Variants in APAF1 observed in about 807,000 individuals in gnomAD.
APAF1 encodes apoptotic peptidase activating factor 1.
In APAF1, 91 loss-of-function variants were observed where a neutral mutation model predicts 152.4. That is an observed-to-expected ratio of 0.60 (90% CI 0.50 to 0.71). The LOEUF is 0.71. APAF1 is among the 30% of genes least tolerant of loss of function. The pLI is 0.00. For synonymous variants in APAF1, 484 were observed against 494.1 expected (o/e 0.98, Z 0.27); for missense variants, 1,283 against 1,472.0 (o/e 0.87, Z 2.10).
intron 5 of APAF1, 100 bp downstream of exon 5, chr12:98,659,443 A>G (rs537655394): frequency 4.1e-5 from 52 of 1,272,090 alleles, no homozygotes; most frequent in South Asian, 2.7e-4. Context: ...CTGCTGTTCT[A>G]TAGGGAGGAT....
rs11109578 is a variant in APAF1, at chr12:98,714,843, C to T, written c.2959-584C>T. The stretch of plus-strand genomic sequence containing the variant: ...AGTTCATTTGAAAGCCTTTTTTTTT[C>T]TTTTTTTTTTTTTGACATAGTCATT... On this transcript the variant is annotated intron_variant, in intron 21 of 26. Transcript: ENST00000551964. Among the ~76,000 whole-genome samples the T allele has an allele frequency of 5.5e-3, 713 of 129,410 alleles. 3 individuals are homozygous for T. Among genetic ancestry groups the T allele is most frequent in the Non-Finnish European group, 8.7e-3 (513 of 59,118 alleles). The allele number at this position is 129,410 out of a possible 152,430, so 84.9% of individuals were successfully genotyped here.
At chr12:98,653,996 G>C (rs893547501) in intron 4 of APAF1, among the ~76,000 whole-genome samples, 1 of 151,982 alleles carries the variant, frequency 6.6e-6, no homozygotes, top group African/African-American at 2.4e-5. Context: ...TCCTGTGAAA[G>C]TAGTGTGGAG....
intron 11 of APAF1, among the ~76,000 whole-genome samples, 188 bp downstream of exon 11, chr12:98,671,274 A>C (rs1037666504): frequency 6.6e-6 from 1 of 152,096 alleles, no homozygotes; most frequent in Non-Finnish European, 1.5e-5. Context: ...TTGAAGTTTA[A>C]AAGCTAGGAA....
intron 17 of APAF1, among the ~76,000 whole-genome samples, chr12:98,700,166 A>G (rs973192357): frequency 6.6e-6 from 1 of 152,204 alleles, no homozygotes; most frequent in Non-Finnish European, 1.5e-5. Flanking sequence ...GTGCCCTCAC[A>G]TATAATTTCT....
Position 98,674,989 on chromosome 12 carries a change from G to A in APAF1, c.1794-2436G>A, listed in dbSNP as rs113529464. Among the ~76,000 whole-genome samples, 108 of 152,256 alleles carry A rather than the reference G, an allele frequency of 7.1e-4. 1 individual carries two copies. The highest frequency in any genetic ancestry group is 2.4e-3 in the African/African-American group (101 of 41,564). On this transcript the variant is annotated intron_variant, in intron 12 of 26. Transcript: ENST00000551964. ...TACTTGGTCTGATCAAAGGGCATAG[G>A]TTTAGTTCTTGTTCTCTTATGAATT...
At chr12:98,722,448 GAAGTC>G (rs1235835066) in intron 22 of APAF1, among the ~76,000 whole-genome samples, 1 of 152,104 alleles carries the variant, frequency 6.6e-6, no homozygotes, top group Non-Finnish European at 1.5e-5. Flanking sequence ...AAGTTAATTT[GAAGTC>G]AAGTATTAAT....
rs577649499 is a variant in APAF1 at position 98,696,581 on chromosome 12, T to G, written c.2305-2827T>G. Among the ~76,000 whole-genome samples, 29 of 152,346 alleles carry G rather than the reference T, an allele frequency of 1.9e-4. No individual in the cohort carries two copies. The South Asian group carries it at 4.4e-3, about 23-fold the overall frequency. Reference sequence around the variant, plus strand: ...CAGAGCTGTATGTGTTCTCTGCATCTTTAACACCTGAACCCTATTTCTTTC... The same window carrying G: ...CAGAGCTGTATGTGTTCTCTGCATCGTTAACACCTGAACCCTATTTCTTTC... On this transcript the variant is annotated intron_variant, in intron 16 of 26. Coordinates refer to ENST00000551964, the MANE Select transcript of APAF1 (RefSeq NM_181861.2).
chr12:98,659,434 T>G, intron 5 of APAF1, 91 bp downstream of exon 5: 2 of 1,340,560 alleles, frequency 1.5e-6, no homozygotes, highest in Non-Finnish European at 2.1e-6. Context: ...GCCTTTTTCC[T>G]GCTGTTCTAT....
chr12:98,712,962 T>TA lies in APAF1; in HGVS notation c.2958+528dup, dbSNP rs1184303792. On this transcript the variant is annotated intron_variant, in intron 21 of 26. Coordinates refer to ENST00000551964, the MANE Select transcript of APAF1 (RefSeq NM_181861.2). ...CCTGCTGAGTAACTGGGACTTCAGG[T>TA]ATGCACCACCACACCTAGCTAATTT... is the stretch of plus-strand genomic sequence containing the variant. 5.9e-5 allele frequency among the ~76,000 whole-genome samples: 9 copies of TA among 151,862 alleles called. No homozygotes were observed. The East Asian group carries it at 1.8e-3, about 30-fold the overall frequency.
chr12:98,713,860 G>A (rs2097730900), intron 21 of APAF1, among the ~76,000 whole-genome samples: 1 of 152,120 alleles, frequency 6.6e-6, no homozygotes, highest in Non-Finnish European at 1.5e-5. Flanking sequence ...TAGACACAAA[G>A]TGAAGAAGGA....
intron 22 of APAF1, among the ~76,000 whole-genome samples, chr12:98,717,602 T>G (rs143765428): frequency 0.017 from 2,556 of 151,992 alleles, 52 homozygotes; most frequent in African/African-American, 0.044. Flanking sequence ...TCTTGAACTC[T>G]GGACCTCAGG....
At chr12:98,655,725 C>G (rs1038408740) in intron 4 of APAF1, among the ~76,000 whole-genome samples, 21 of 152,072 alleles carry the variant, frequency 1.4e-4, no homozygotes, top group African/African-American at 5.1e-4. Flanking sequence ...GTCATCCTCC[C>G]ACCTCAGCCT....
At chr12:98,716,829 T>G (rs2097735272) in intron 22 of APAF1, among the ~76,000 whole-genome samples, 2 of 152,168 alleles carry the variant, frequency 1.3e-5, no homozygotes, top group African/African-American at 4.8e-5. Context: ...AGTTTTCTTT[T>G]TCCACATTTC....
intron 12 of APAF1, among the ~76,000 whole-genome samples, chr12:98,672,393 G>A (rs1437250826): frequency 6.6e-6 from 1 of 152,148 alleles, no homozygotes; most frequent in Non-Finnish European, 1.5e-5. Context: ...TCAAACTCCT[G>A]ATTTCAAGTG....
chr12:98,688,416 T>C (rs1206038188), intron 16 of APAF1, among the ~76,000 whole-genome samples: 2 of 152,256 alleles, frequency 1.3e-5, no homozygotes, highest in East Asian at 3.9e-4. Context: ...ATTCTGCATC[T>C]CTTCTTATCT....
intron 4 of APAF1, among the ~76,000 whole-genome samples, chr12:98,652,654 T>C (rs2097650390): frequency 6.6e-6 from 1 of 152,024 alleles, no homozygotes; most frequent in South Asian, 2.1e-4. Flanking sequence ...GAGACGGAGT[T>C]TCGCTCTTGT....
Position 98,662,496 on chromosome 12 carries a change from T to G in APAF1, c.751T>G (p.Leu251Val). 1.2e-6 allele frequency: 2 copies of G among 1,613,714 alleles called. No individual in the cohort carries two copies. The highest frequency in any genetic ancestry group is 1.7e-6 in the Non-Finnish European group (2 of 1,179,784). ...ILDDVWDSWV[L>V]KAFDSQCQIL... ...GGATGATGTTTGGGACTCTTGGGTGTTGAAAGCTTTTGACAGTCAGTGTCA... is the reference window on the plus strand; with the variant it reads ...GGATGATGTTTGGGACTCTTGGGTGGTGAAAGCTTTTGACAGTCAGTGTCA... Residue 251 changes from leucine to valine, a missense_variant, in exon 6 of 27, where the codon TTG becomes GTG. Physicochemically the swap from Leu to Val is conservative, Grantham distance 32. Transcript: ENST00000551964.
At chr12:98,662,147 C>CTT (rs575642787) in intron 5 of APAF1, among the ~76,000 whole-genome samples, 6 of 110,442 alleles carry the variant, frequency 5.4e-5, no homozygotes, top group African/African-American at 1.3e-4. Flanking sequence ...GTAATGGTCG[C>CTT]TTTTTTTTTT....
intron 3 of APAF1, 114 bp downstream of exon 3, chr12:98,648,929 T>TA: frequency 9.5e-7 from 1 of 1,049,144 alleles, no homozygotes; most frequent in South Asian, 1.3e-5. Flanking sequence ...AACTGCATGT[T>TA]AAAAAAATTG....
Sources: gnomAD v4.1 joint callset for allele counts (sites outside exome capture counted in the v4.1 genomes callset) on GRCh38, gnomAD v4.1.1 for gene constraint, MANE v1.5 for transcripts, NCBI Gene and HGNC (gene_info 2026-07-23, HGNC 2026-07-21) for gene names.